SYT2: variants seen among roughly 807,000 people sequenced by gnomAD.
SYT2 encodes synaptotagmin-2.
Under a neutral mutation model 39.9 loss-of-function variants are expected in SYT2, and 15 were observed. That is an observed-to-expected ratio of 0.38 (90% CI 0.25 to 0.58). SYT2 has a LOEUF of 0.58. SYT2 is among the 20% of genes least tolerant of loss of function. The pLI is 0.70. For synonymous variants in SYT2, 181 were observed against 204.5 expected (o/e 0.89, Z 0.98); for missense variants, 389 against 530.3 (o/e 0.73, Z 2.62).
chr1:202,693,176 G>A (rs891924794), intron 1 of SYT2, among the ~76,000 whole-genome samples: 2 of 152,144 alleles, frequency 1.3e-5, no homozygotes, highest in Non-Finnish European at 2.9e-5. Flanking sequence ...CTCCCCATCT[G>A]GAGAAGCCAT....
chr1:202,703,363 G>C (rs1206847915), intron 1 of SYT2, among the ~76,000 whole-genome samples: 2 of 152,008 alleles, frequency 1.3e-5, no homozygotes, highest in Non-Finnish European at 2.9e-5. Context: ...GGAAAATGGA[G>C]CTAAGAGTAG....
chr1:202,655,566 G>A (rs1692263997), intron 1 of SYT2, among the ~76,000 whole-genome samples: 1 of 152,120 alleles, frequency 6.6e-6, no homozygotes, highest in South Asian at 2.1e-4. Context: ...CGTGACCCTT[G>A]CAGGAGAGGT....
chr1:202,650,819 G>GGC (rs1692177561), intron 1 of SYT2, among the ~76,000 whole-genome samples: 1 of 152,200 alleles, frequency 6.6e-6, no homozygotes, highest in Non-Finnish European at 1.5e-5. Flanking sequence ...TAAGATGAAG[G>GGC]AACAGCCAGA....
chr1:202,700,707 T>C (rs540687740), intron 1 of SYT2, among the ~76,000 whole-genome samples: 1 of 152,394 alleles, frequency 6.6e-6, no homozygotes, highest in African/African-American at 2.4e-5. Context: ...TGTGGTTTAC[T>C]AGAAGGTAGC....
At position 202,630,828 on chromosome 1, in the gene SYT2, G is replaced by A. The variant is rs372034494; in HGVS notation, c.-17-25039C>T. On this transcript the variant is annotated intron_variant, in intron 1 of 8. Coordinates refer to ENST00000367268, the MANE Select transcript of SYT2 (RefSeq NM_177402.5). ...CCCAGGAAACATTTGAGAATGGGCC[G>A]TTGCCCTGCCTAGCAGTACACAGGG... is the stretch of plus-strand genomic sequence containing the variant. Among the ~76,000 whole-genome samples the A allele has an allele frequency of 5.3e-5, 8 of 152,342 alleles. No individual in the cohort carries two copies. In the East Asian group the frequency reaches 1.4e-3, roughly 26 times the overall value.
intron 1 of SYT2, among the ~76,000 whole-genome samples, chr1:202,664,714 C>A (rs958451457): frequency 6.6e-6 from 1 of 152,204 alleles, no homozygotes; most frequent in Non-Finnish European, 1.5e-5. Context: ...GGCTGAAGTG[C>A]AATGGCGCGA....
intron 1 of SYT2, among the ~76,000 whole-genome samples, chr1:202,616,613 A>G (rs1242229380): frequency 3.3e-5 from 5 of 152,164 alleles, no homozygotes; most frequent in Non-Finnish European, 7.3e-5. Context: ...CTGCTGAAGT[A>G]GCTCTTTGTA....
chr1:202,624,939 T>TG (rs879726987), intron 1 of SYT2, among the ~76,000 whole-genome samples: 1 of 148,942 alleles, frequency 6.7e-6, no homozygotes, highest in African/African-American at 2.5e-5. Context: ...TGTGGTGTGT[T>TG]TGTGTAGTGT....
At chr1:202,634,491 C>G (rs1691689565) in intron 1 of SYT2, among the ~76,000 whole-genome samples, 1 of 149,998 alleles carries the variant, frequency 6.7e-6, no homozygotes. Flanking sequence ...GAAACTCCAT[C>G]TCAAAAAAAA....
intron 1 of SYT2, among the ~76,000 whole-genome samples, chr1:202,609,160 G>C (rs1690806507): frequency 6.6e-6 from 1 of 151,266 alleles, no homozygotes; most frequent in Admixed American, 6.6e-5. Context: ...AGTTTGCTGA[G>C]AATGATGGTT....
intron 1 of SYT2, among the ~76,000 whole-genome samples, chr1:202,667,334 C>T (rs6703378): frequency 0.027 from 4,077 of 152,290 alleles, 171 homozygotes; most frequent in African/African-American, 0.093. Flanking sequence ...TTCTCCCCTC[C>T]TCCCACCCTA....
intron 1 of SYT2, among the ~76,000 whole-genome samples, chr1:202,636,249 G>A (rs1691737330): frequency 6.6e-6 from 1 of 152,120 alleles, no homozygotes; most frequent in South Asian, 2.1e-4. Context: ...AAATGAGGAG[G>A]GCCAGATTCA....
Position 202,628,477 on chromosome 1 carries a change from C to G in SYT2, c.-17-22688G>C, listed in dbSNP as rs1691480165. Among the ~76,000 whole-genome samples, 1 of 152,196 alleles carries G rather than the reference C, an allele frequency of 6.6e-6. No individual in the cohort carries two copies. Among genetic ancestry groups the G allele is most frequent in the Non-Finnish European group, 1.5e-5 (1 of 68,042 alleles). On this transcript the variant is annotated intron_variant, in intron 1 of 8. Transcript: ENST00000367268. The surrounding 1 kb of genome is among the most constrained non-coding windows in gnomAD (Gnocchi z 4.2). Reference sequence around the variant, plus strand: ...CCAGGTGCTGGCCAGGCCCCAGGGACAGAGACGTGCCCATCACTCTTCAGA... The same window carrying G: ...CCAGGTGCTGGCCAGGCCCCAGGGAGAGAGACGTGCCCATCACTCTTCAGA...
At chr1:202,625,181 G>C (rs1169271969) in intron 1 of SYT2, among the ~76,000 whole-genome samples, 2 of 139,112 alleles carry the variant, frequency 1.4e-5, no homozygotes, top group African/African-American at 5.6e-5. Flanking sequence ...TGTGTGTCGT[G>C]TGTGTGGCAT....
intron 1 of SYT2, among the ~76,000 whole-genome samples, chr1:202,651,874 A>G (rs545118145): frequency 1.1e-3 from 160 of 152,304 alleles, no homozygotes; most frequent in Non-Finnish European, 1.6e-3. Flanking sequence ...TCCTGCAAAC[A>G]TGGTGAAGCC....
chr1:202,673,282 T>C (rs1172552479), intron 1 of SYT2, among the ~76,000 whole-genome samples: 1 of 152,218 alleles, frequency 6.6e-6, no homozygotes, highest in African/African-American at 2.4e-5. Flanking sequence ...AGACCCTGTG[T>C]GGCAGGTCAG....
intron 1 of SYT2, among the ~76,000 whole-genome samples, chr1:202,673,020 G>A (rs1333312742): frequency 1.3e-5 from 2 of 152,046 alleles, no homozygotes; most frequent in Non-Finnish European, 2.9e-5. Flanking sequence ...GGCTCCAGCT[G>A]TCTCACAATA....
chr1:202,613,242 G>T (rs1318754679), intron 1 of SYT2, among the ~76,000 whole-genome samples: 1 of 151,696 alleles, frequency 6.6e-6, no homozygotes. Flanking sequence ...CACCATGCCC[G>T]GCTAATTTTT....
chr1:202,708,025 G>T (rs1654295987), intron 1 of SYT2, among the ~76,000 whole-genome samples: 1 of 152,186 alleles, frequency 6.6e-6, no homozygotes, highest in African/African-American at 2.4e-5. Flanking sequence ...GCTCCAGAAA[G>T]GGTCTCCTCG....
Sources: allele counts gnomAD v4.1 joint callset (sites outside exome capture counted in the v4.1 genomes callset), GRCh38; gene constraint gnomAD v4.1.1; non-coding constraint Gnocchi (gnomAD v3.1); transcripts MANE v1.5; gene names NCBI Gene and HGNC (gene_info 2026-07-23, HGNC 2026-07-21).